The following SLC12A4 variants were observed in gnomAD, a reference collection of about 807,000 sequenced individuals.
SLC12A4 encodes electroneutral potassium-chloride cotransporter 1.
Under a neutral mutation model 119.2 loss-of-function variants are expected in SLC12A4, and 84 were observed. That is an observed-to-expected ratio of 0.70 (90% CI 0.59 to 0.85). The LOEUF is 0.85. SLC12A4 is among the 40% of genes least tolerant of loss of function. SLC12A4 has a pLI of 0.00. For synonymous variants in SLC12A4, 599 were observed against 604.6 expected, an observed-to-expected ratio of 0.99 and a Z score of 0.14; for missense variants, 1,298 against 1,476.3, an observed-to-expected ratio of 0.88 and a Z score of 1.98.
intron 3 of SLC12A4, 98 bp downstream of exon 3, chr16:67,961,477 C>T (rs1052212366): frequency 7.1e-5 from 107 of 1,514,436 alleles, no homozygotes; most frequent in Non-Finnish European, 9.3e-5. Context: ...GCACCCACTT[C>T]CCCCAGTGTG....
rs143128684 is a variant in SLC12A4 at position 67,943,974 on chromosome 16, C to T, written c.*866G>A. 1.3e-6 allele frequency: 2 copies of T among 1,548,218 alleles called. No individual in the cohort carries two copies. The highest frequency in any genetic ancestry group is 1.7e-6 in the Non-Finnish European group (2 of 1,145,492). ...GAGGATGACGGGCCGTGTGTGGTTA[C>T]TGAGCTCAGCCTTGGGCGTGGTGTG... On this transcript the variant is annotated 3_prime_UTR_variant, in exon 24 of 24. Coordinates refer to ENST00000316341, the MANE Select transcript of SLC12A4 (RefSeq NM_005072.5). The surrounding 1 kb of genome is among the most constrained non-coding windows in gnomAD (Gnocchi z 4.6).
In SLC12A4 at chr16:67,951,178, A is replaced by G. The variant is rs748605909; in HGVS notation, c.1259T>C (p.Phe420Ser). The change falls in exon 9 of 24, where the codon TTC (phenylalanine) becomes TCC (serine). Residue 420 changes from phenylalanine to serine, a missense_variant. Physicochemically the swap from Phe to Ser is radical, Grantham distance 155 (BLOSUM62 -2). Transcript: ENST00000316341. This position sits in a 1 kb window ranked among gnomAD's most constrained non-coding sequence, Gnocchi z 5.2. ...GAAGAAGATGCCGACCAGCACGGTG[A>G]AGGATGTGGCGATGTCAGCGACCAC... ...LYVVADIATS[F>S]TVLVGIFFPS... 100 of 1,613,904 alleles carry G rather than the reference A, an allele frequency of 6.2e-5. No individual in the cohort carries two copies. The Admixed American group carries it at 1.6e-3, about 27-fold the overall frequency.
At chr16:67,968,245 C>T (rs1352431081) in intron 1 of SLC12A4, among the ~76,000 whole-genome samples, 194 bp downstream of exon 1, 1 of 152,028 alleles carries the variant, frequency 6.6e-6, no homozygotes, top group African/African-American at 2.4e-5. Flanking sequence ...GGCGCGGGCG[C>T]CGGGGGCCGA....
At chr16:67,967,899 G>A (rs1490029663) in intron 1 of SLC12A4, among the ~76,000 whole-genome samples, 1 of 152,188 alleles carries the variant, frequency 6.6e-6, no homozygotes, top group Admixed American at 6.5e-5. Flanking sequence ...TGTCCCTACA[G>A]ATCTACACCG....
intron 3 of SLC12A4, 25 bp downstream of exon 3, chr16:67,961,550 C>T (rs1365204722): frequency 1.2e-6 from 2 of 1,608,732 alleles, no homozygotes; most frequent in East Asian, 2.2e-5. Flanking sequence ...CAGGTGTGGC[C>T]CCTCTGCCGC....
rs1312770506 is a variant in SLC12A4, at chr16:67,963,943, A to G, written c.116-384T>C. ...CTTTCCGGAGTACCCAATGTGCAGG[A>G]TGCCAAGGGTTCGGTGTCCTCAGGG... On this transcript the variant is annotated intron_variant, in intron 1 of 23. Transcript: ENST00000316341. The G allele has an allele frequency of 1.9e-6, 3 of 1,551,292 alleles. No individual in the cohort carries two copies. In the African/African-American group the frequency reaches 4.1e-5, roughly 21 times the overall value.
At chr16:67,957,469 T>A in intron 5 of SLC12A4, 1 of 416,920 alleles carries the variant, frequency 2.4e-6, no homozygotes. Context: ...GCGCCTGGCC[T>A]TTTTTTGCAC....
rs772517043 is a variant in SLC12A4, at chr16:67,951,255, A to G, written c.1182T>C (p.His394=). ...YLEKGDIVEK[H]GLPSADAPSL... ...TCGGGGCATCTGCGGAGGGCAGCCCATGCTTCTCCACGATGTCACCCTTCT... is the reference window on the plus strand; with the variant it reads ...TCGGGGCATCTGCGGAGGGCAGCCCGTGCTTCTCCACGATGTCACCCTTCT... Residue 394 remains histidine, a synonymous_variant, in exon 9 of 24, where the codon CAT becomes CAC. Transcript: ENST00000316341. This position sits in a 1 kb window ranked among gnomAD's most constrained non-coding sequence, Gnocchi z 5.2. The G allele has an allele frequency of 1.9e-6, 3 of 1,614,012 alleles. No homozygotes were observed. Among genetic ancestry groups the G allele is most frequent in the South Asian group, 2.2e-5 (2 of 91,070 alleles).
At chr16:67,964,051 A>G in intron 1 of SLC12A4, 2 of 1,550,134 alleles carry the variant, frequency 1.3e-6, no homozygotes, top group Non-Finnish European at 1.7e-6. Flanking sequence ...CCGGCTGGCT[A>G]CCCCACCATG....
At position 67,946,029 on chromosome 16, in the gene SLC12A4, G is replaced by A; in HGVS notation, c.2661C>T (p.Asn887=). The change falls in exon 20 of 24, where the codon AAC becomes AAT. Residue 887 remains asparagine (N), a synonymous_variant. Coordinates refer to ENST00000316341, the MANE Select transcript of SLC12A4 (RefSeq NM_005072.5). ...CCAGGTCCTTCTTCATCTGGATGCT[G>A]TTGTCATCCATCTGGGCCACTGTGA... ...RIFTVAQMDD[N]SIQMKKDLAV... 3 of 1,614,070 alleles carry A rather than the reference G, an allele frequency of 1.9e-6. No homozygotes were observed. Among genetic ancestry groups the A allele is most frequent in the South Asian group, 2.2e-5 (2 of 91,090 alleles).
rs1453196004 is a variant in SLC12A4 at position 67,949,922 on chromosome 16, T to C, written c.1630-4A>G. 1.9e-6 allele frequency: 3 copies of C among 1,605,752 alleles called. No homozygotes were observed. The highest frequency in any genetic ancestry group is 2.2e-5 in the East Asian group (1 of 44,714). ...TCACCTTCCCGTGGCCAAACACCTG[T>C]GTGCACCAGGAAGGAAGCTGGGTCC... is the stretch of plus-strand genomic sequence containing the variant. On this transcript the variant is annotated splice_polypyrimidine_tract_variant and splice_region_variant and intron_variant, in intron 12 of 23. Coordinates refer to ENST00000316341, the MANE Select transcript of SLC12A4 (RefSeq NM_005072.5). The surrounding 1 kb of genome is among the most constrained non-coding windows in gnomAD (Gnocchi z 4.6).
Position 67,947,042 on chromosome 16 carries a change from G to A in SLC12A4, c.2136C>T (p.Leu712=), listed in dbSNP as rs200615931. 48 of 1,612,506 alleles carry A rather than the reference G, an allele frequency of 3.0e-5. No individual in the cohort carries two copies. The East Asian group carries it at 1.0e-3, about 34-fold the overall frequency. The change falls in exon 17 of 24, where the codon CTC becomes CTT. Residue 712 remains leucine (L), a synonymous_variant. Coordinates refer to ENST00000316341, the MANE Select transcript of SLC12A4 (RefSeq NM_005072.5). The part of the protein sequence containing the change: ...EDLHVKYPRL[L]TFASQLKAGK... ...CAGCCTTGAGCTGGGAGGCGAAGGT[G>A]AGGAGCCGCGGGTACTTCACGTGGA...
intron 14 of SLC12A4, 84 bp downstream of exon 14, chr16:67,947,977 G>T: frequency 6.6e-7 from 1 of 1,510,772 alleles, no homozygotes; most frequent in Non-Finnish European, 9.2e-7. Context: ...TGTTTCAAGA[G>T]CTCCCTACCC....
intron 1 of SLC12A4, chr16:67,964,090 G>A (rs2151339968): frequency 6.6e-7 from 1 of 1,525,874 alleles, no homozygotes; most frequent in South Asian, 1.2e-5. Context: ...CTGCAGGGCA[G>A]CCCGGGGCAT....
intron 1 of SLC12A4, among the ~76,000 whole-genome samples, chr16:67,964,346 C>T (rs908572120): frequency 1.3e-4 from 20 of 152,198 alleles, no homozygotes; most frequent in Admixed American, 1.3e-3. Context: ...GAAATCTCGC[C>T]AAAAGGAGTG....
Position 67,950,076 on chromosome 16 carries a change from C to T in SLC12A4, c.1630-158G>A, listed in dbSNP as rs2058396500. ...GGTGTCACCAGTCTCCCTGATTCCA[C>T]CTCACCAGGCCTCTCTCCTTTGGAT... On this transcript the variant is annotated intron_variant, in intron 12 of 23. Coordinates refer to ENST00000316341, the MANE Select transcript of SLC12A4 (RefSeq NM_005072.5). This position sits in a 1 kb window ranked among gnomAD's most constrained non-coding sequence, Gnocchi z 4.3. The T allele has an allele frequency of 1.4e-6, 1 of 690,572 alleles. No homozygotes were observed. The highest frequency in any genetic ancestry group is 2.5e-6 in the Non-Finnish European group (1 of 405,290). The allele number at this position is 690,572 out of a possible 1,614,324, so 42.8% of individuals were successfully genotyped here. A position where few individuals can be genotyped will look rare whatever the true frequency, so the allele number is the denominator to read the frequency against.
chr16:67,945,707 G>T, intron 21 of SLC12A4, 57 bp downstream of exon 21: 2 of 1,552,414 alleles, frequency 1.3e-6, no homozygotes, highest in East Asian at 2.3e-5. Flanking sequence ...CACCGATGCG[G>T]TCTCCAAAGG....
chr16:67,954,343 C>T, intron 6 of SLC12A4: 1 of 423,328 alleles, frequency 2.4e-6, no homozygotes. Context: ...AGATCTGTCA[C>T]TGAGCTGAAT....
chr16:67,948,027 C>T (rs752072570), intron 14 of SLC12A4, 34 bp downstream of exon 14: 3 of 1,605,414 alleles, frequency 1.9e-6, no homozygotes, highest in Non-Finnish European at 2.6e-6. Context: ...CTCCTGGCCT[C>T]CCCAGGGTCT....
Sources: gnomAD v4.1 joint callset for allele counts (sites outside exome capture counted in the v4.1 genomes callset) on GRCh38, gnomAD v4.1.1 for gene constraint, Gnocchi (gnomAD v3.1) non-coding constraint, MANE v1.5 for transcripts, NCBI Gene and HGNC (gene_info 2026-07-23, HGNC 2026-07-21) for gene names.